THADA: variants seen among roughly 807,000 people sequenced by gnomAD.
THADA encodes tRNA (32-2'-O)-methyltransferase regulator THADA.
In THADA, 213 loss-of-function variants were observed where a neutral mutation model predicts 219.8. That is an observed-to-expected ratio of 0.97 (90% CI 0.87 to 1.09). THADA has a LOEUF of 1.09. Among genes scored for constraint, THADA ranks in the 50% least tolerant of loss-of-function variants. The pLI is 0.00. For missense variants in THADA, 2,956 were observed against 2,311.3 expected (o/e 1.28, Z -5.72); for synonymous variants, 1,018 against 828.9 (o/e 1.23, Z -3.92).
intron 31 of THADA, among the ~76,000 whole-genome samples, chr2:43,306,290 G>T (rs1330633239): frequency 6.6e-6 from 1 of 152,192 alleles, no homozygotes; most frequent in African/African-American, 2.4e-5. Flanking sequence ...GGTACTACAG[G>T]TGTGAGGTAC....
At chr2:43,588,999 T>A (rs1407720180) in intron 4 of THADA, among the ~76,000 whole-genome samples, 1 of 152,196 alleles carries the variant, frequency 6.6e-6, no homozygotes, top group Non-Finnish European at 1.5e-5. Context: ...TTACAGAATA[T>A]TTATAGCTGA....
Position 43,248,792 on chromosome 2 carries a change from C to T in THADA, c.5297-15910G>A, listed in dbSNP as rs1364291568. The stretch of plus-strand genomic sequence containing the variant: ...CAGAAGGAGCGGCCCGGGCCGCTTC[C>T]ACAGGCTTCCTGTCCCCACACTCTC... On this transcript the variant is annotated intron_variant, in intron 36 of 37. Coordinates refer to ENST00000405975, the MANE Select transcript of THADA (RefSeq NM_022065.5). 2.0e-5 allele frequency among the ~76,000 whole-genome samples: 3 copies of T among 152,124 alleles called. No homozygotes were observed. The East Asian group carries it at 5.8e-4, about 29-fold the overall frequency.
intron 1 of THADA, chr2:43,592,872 T>C (rs1701724266): frequency 6.6e-6 from 1 of 152,644 alleles, no homozygotes; most frequent in African/African-American, 2.4e-5. Flanking sequence ...TAAGAGGAGG[T>C]ACTACCGTGT....
At position 43,475,438 on chromosome 2, in the gene THADA, A is replaced by C. The variant is rs568005141; in HGVS notation, c.3836+9796T>G. On this transcript the variant is annotated intron_variant, in intron 26 of 37. Coordinates refer to ENST00000405975, the MANE Select transcript of THADA (RefSeq NM_022065.5). ...GCCCTGTCTTAAAAAAAAAAAAAAAAAAAAAAAACCTAGAAAGACTATTTG... is the reference window on the plus strand; with the variant it reads ...GCCCTGTCTTAAAAAAAAAAAAAAACAAAAAAAACCTAGAAAGACTATTTG... Among the ~76,000 whole-genome samples the C allele has an allele frequency of 3.6e-4, 54 of 151,976 alleles. No homozygotes were observed. The Middle Eastern group carries it at 0.01, about 29-fold the overall frequency.
chr2:43,522,916 A>G (rs985925137), intron 22 of THADA, among the ~76,000 whole-genome samples: 1 of 151,346 alleles, frequency 6.6e-6, no homozygotes, highest in African/African-American at 2.4e-5. Flanking sequence ...GCGAGACTCC[A>G]TCTCAACAAA....
chr2:43,506,605 A>C (rs1482276474), intron 23 of THADA, among the ~76,000 whole-genome samples: 1 of 152,182 alleles, frequency 6.6e-6, no homozygotes, highest in Non-Finnish European at 1.5e-5. Flanking sequence ...AGTGACTGCT[A>C]ATGAGTATGG....
At chr2:43,558,891 T>C (rs926899378) in intron 16 of THADA, among the ~76,000 whole-genome samples, 4 of 152,170 alleles carry the variant, frequency 2.6e-5, no homozygotes, top group Admixed American at 6.5e-5. Context: ...CAAAATCCTA[T>C]AGCAAACCAC....
intron 26 of THADA, among the ~76,000 whole-genome samples, chr2:43,466,266 T>C (rs1349230773): frequency 1.3e-5 from 2 of 152,242 alleles, no homozygotes; most frequent in Non-Finnish European, 2.9e-5. Context: ...AGCATATTAA[T>C]GTCTTCAAGA....
intron 29 of THADA, among the ~76,000 whole-genome samples, chr2:43,350,404 G>C (rs1668117755): frequency 6.6e-6 from 1 of 152,210 alleles, no homozygotes; most frequent in African/African-American, 2.4e-5. Context: ...GGGAAGGCAA[G>C]AGAGAGAAAG....
chr2:43,413,132 T>C (rs375032433), intron 28 of THADA, among the ~76,000 whole-genome samples: 1 of 152,210 alleles, frequency 6.6e-6, no homozygotes, highest in African/African-American at 2.4e-5. Context: ...TCTTCTCTCC[T>C]TTCTATCCTA....
chr2:43,586,366 G>C (rs1481928826), intron 7 of THADA, 35 bp downstream of exon 7: 13 of 1,519,828 alleles, frequency 8.6e-6, no homozygotes, highest in Non-Finnish European at 1.2e-5. Flanking sequence ...ACAACTGCAA[G>C]TGTGCACACA....
chr2:43,311,458 A>G (rs966005337), intron 31 of THADA, among the ~76,000 whole-genome samples: 4 of 152,224 alleles, frequency 2.6e-5, no homozygotes, highest in African/African-American at 9.6e-5. Context: ...CAATTTAGCA[A>G]TTCTTCAAAA....
intron 31 of THADA, among the ~76,000 whole-genome samples, chr2:43,301,959 C>T (rs954094249): frequency 6.6e-6 from 1 of 152,120 alleles, no homozygotes; most frequent in African/African-American, 2.4e-5. Flanking sequence ...GTTTGCAGGA[C>T]ACAAATAACT....
At chr2:43,248,160 TATATAGAGAGAGAGAGAGAGAGAGAG>T (rs1231091913) in intron 36 of THADA, among the ~76,000 whole-genome samples, 39 of 52,796 alleles carry the variant, frequency 7.4e-4, no homozygotes, top group African/African-American at 2.8e-3. Flanking sequence ...TATATATATA[TATATAGAGAGAGAGAGAGAGAGAGAG>T]AGAGAGAGAG....
chr2:43,514,666 A>G (rs1402045825), intron 22 of THADA, among the ~76,000 whole-genome samples: 1 of 86,724 alleles, frequency 1.2e-5, no homozygotes, highest in Non-Finnish European at 2.0e-5. Flanking sequence ...TGTATATAAT[A>G]ATATATAATA....
At chr2:43,238,551 A>G (rs1668301039) in intron 36 of THADA, among the ~76,000 whole-genome samples, 1 of 152,204 alleles carries the variant, frequency 6.6e-6, no homozygotes, top group Admixed American at 6.5e-5. Context: ...TTTGGAAAAC[A>G]GTCTTGCAGT....
intron 28 of THADA, among the ~76,000 whole-genome samples, chr2:43,415,902 T>A (rs1676900255): frequency 6.6e-6 from 1 of 152,134 alleles, no homozygotes; most frequent in Non-Finnish European, 1.5e-5. Flanking sequence ...GTCAAGCTTT[T>A]CTTAAGTCCA....
chr2:43,315,801 G>C (rs887718266), intron 31 of THADA, among the ~76,000 whole-genome samples: 2 of 152,180 alleles, frequency 1.3e-5, no homozygotes, highest in African/African-American at 4.8e-5. Flanking sequence ...TAGGAACTTG[G>C]TTCCATAAGG....
chr2:43,554,017 A>G (rs1293406238), intron 17 of THADA, among the ~76,000 whole-genome samples: 1 of 152,204 alleles, frequency 6.6e-6, no homozygotes, highest in Non-Finnish European at 1.5e-5. Context: ...ACTAGACAAA[A>G]GTCCCTTATC....
Sources: gnomAD v4.1 joint callset for allele counts (sites outside exome capture counted in the v4.1 genomes callset) on GRCh38, gnomAD v4.1.1 for gene constraint, MANE v1.5 for transcripts, NCBI Gene and HGNC (gene_info 2026-07-23, HGNC 2026-07-21) for gene names.